Variants in PCDHA5 observed in about 807,000 individuals in gnomAD.
The protein encoded by PCDHA5 is protocadherin alpha 5.
A neutral mutation model predicts 61.6 loss-of-function variants in PCDHA5; 43 were observed. The observed-to-expected ratio is 0.70, with a 90% CI of 0.55 to 0.90. The LOEUF is 0.90. Among genes scored for constraint, PCDHA5 ranks in the 40% least tolerant of loss-of-function variants. The pLI, the probability that PCDHA5 is intolerant of heterozygous loss-of-function variation, is 0.00. For synonymous variants in PCDHA5, 627 were observed against 543.9 expected (o/e 1.15, Z -2.13); for missense variants, 1,298 against 1,222.7 (o/e 1.06, Z -0.92).
intron 1 of PCDHA5, chr5:140,881,499 C>A: frequency 3.8e-6 from 1 of 261,884 alleles, no homozygotes; most frequent in Non-Finnish European, 5.9e-6. Context: ...TGCACATACA[C>A]ACACTCACAT....
chr5:140,834,485 G>T (rs2150219471), intron 1 of PCDHA5: 3 of 1,614,120 alleles, frequency 1.9e-6, no homozygotes. Flanking sequence ...TCCACTACTC[G>T]GTCCCCGAGG....
chr5:140,890,439 A>C lies in PCDHA5; in HGVS notation c.2352+66312A>C, dbSNP rs114755692. On this transcript the variant is annotated intron_variant, in intron 1 of 3. Coordinates refer to ENST00000529859, the MANE Select transcript of PCDHA5 (RefSeq NM_018908.3). The stretch of plus-strand genomic sequence containing the variant: ...TATTTAGTTTATATTTACAATACCT[A>C]GTGATATCTTTAGGCACAAATATTT... 7.6e-3 allele frequency among the ~76,000 whole-genome samples: 1,153 copies of C among 152,326 alleles called. 6 individuals are homozygous for C. Among genetic ancestry groups the C allele is most frequent in the Non-Finnish European group, 0.013 (886 of 68,014 alleles).
chr5:140,998,547 A>C (rs1173862918), intron 3 of PCDHA5, among the ~76,000 whole-genome samples: 4 of 150,288 alleles, frequency 2.7e-5, no homozygotes, highest in African/African-American at 9.8e-5. Flanking sequence ...TCCTAATTTA[A>C]TGTCTAATTT....
intron 1 of PCDHA5, chr5:140,851,257 T>A: frequency 9.2e-7 from 1 of 1,087,842 alleles, no homozygotes; most frequent in East Asian, 4.1e-5. Context: ...GCATAGTATT[T>A]TAGTCTACTT....
chr5:140,914,458 A>T (rs1294717004), intron 1 of PCDHA5, among the ~76,000 whole-genome samples: 2 of 152,004 alleles, frequency 1.3e-5, no homozygotes, highest in African/African-American at 4.8e-5. Flanking sequence ...TTTCCAGTCT[A>T]TGTGTATCTT....
chr5:140,844,335 A>G lies in PCDHA5; in HGVS notation c.2352+20208A>G, dbSNP rs1192632609. On this transcript the variant is annotated intron_variant, in intron 1 of 3. Transcript: ENST00000529859. The stretch of plus-strand genomic sequence containing the variant: ...TTCCTAATTTTATTATAAACTAGTT[A>G]AAAAGTAAAATCAAGAGGGAAGAGA... Among the ~76,000 whole-genome samples, 3 of 149,508 alleles carry G rather than the reference A, an allele frequency of 2.0e-5. No individual in the cohort carries two copies. In the South Asian group the frequency reaches 6.4e-4, roughly 32 times the overall value.
intron 1 of PCDHA5, among the ~76,000 whole-genome samples, chr5:140,964,381 T>C (rs1008874330): frequency 1.3e-5 from 2 of 152,176 alleles, no homozygotes. Flanking sequence ...AGGAGAGTCC[T>C]GGTTTTTCTC....
chr5:140,857,551 C>G (rs781926711), intron 1 of PCDHA5: 5 of 1,596,944 alleles, frequency 3.1e-6, no homozygotes. Flanking sequence ...TGGGCGAGCG[C>G]TCGCTGTCGA....
At chr5:140,937,500 C>T (rs2091549219) in intron 1 of PCDHA5, among the ~76,000 whole-genome samples, 1 of 152,024 alleles carries the variant, frequency 6.6e-6, no homozygotes, top group Admixed American at 6.6e-5. Context: ...ACCCGTAATC[C>T]CAGCTACTCA....
chr5:140,873,995 GT>G (rs1354813199), intron 1 of PCDHA5, among the ~76,000 whole-genome samples: 2 of 152,166 alleles, frequency 1.3e-5, no homozygotes, highest in African/African-American at 4.8e-5. Context: ...AGCATGTATG[GT>G]ACATTGACCA....
At chr5:140,982,679 C>A in intron 3 of PCDHA5, 116 bp downstream of exon 3, 2 of 1,436,546 alleles carry the variant, frequency 1.4e-6, no homozygotes, top group Non-Finnish European at 9.2e-7. Flanking sequence ...TTGTTATTCC[C>A]TTTTTTCCAT....
chr5:140,858,262 G>A lies in PCDHA5; in HGVS notation c.2352+34135G>A. On this transcript the variant is annotated intron_variant, in intron 1 of 3. Coordinates refer to ENST00000529859, the MANE Select transcript of PCDHA5 (RefSeq NM_018908.3). Reference sequence around the variant, plus strand: ...GTGGGCCGGTGAAGCCCACGCTGGTGTGCTCTAGCGCGGTGGGGAGCTGGT... The same window carrying A: ...GTGGGCCGGTGAAGCCCACGCTGGTATGCTCTAGCGCGGTGGGGAGCTGGT... 2 of 1,597,236 alleles carry A rather than the reference G, an allele frequency of 1.3e-6. 1 individual carries two copies.
chr5:140,830,034 T>C (rs1581895588), intron 1 of PCDHA5: 2 of 1,613,732 alleles, frequency 1.2e-6, no homozygotes, highest in East Asian at 2.2e-5. Flanking sequence ...CACCGGCTGC[T>C]GGTGCTGGTG....
chr5:140,834,823 C>T, intron 1 of PCDHA5: 1 of 1,612,142 alleles, frequency 6.2e-7, no homozygotes, highest in South Asian at 1.1e-5. Flanking sequence ...GAATCCAGGC[C>T]GCTTGACTCT....
chr5:140,828,937 T>C (rs1770037228), intron 1 of PCDHA5: 1 of 1,614,274 alleles, frequency 6.2e-7, no homozygotes, highest in Non-Finnish European at 8.5e-7. Context: ...ATTCTTTTAA[T>C]AGCCTTGTTG....
At chr5:140,832,820 T>C (rs1554133674) in intron 1 of PCDHA5, among the ~76,000 whole-genome samples, 1 of 152,208 alleles carries the variant, frequency 6.6e-6, no homozygotes, top group East Asian at 1.9e-4. Context: ...AAAAAAATCT[T>C]TGCCTTTTTC....
At chr5:140,884,622 GAAC>G (rs1562808706) in intron 1 of PCDHA5, 7 of 1,613,830 alleles carry the variant, frequency 4.3e-6, no homozygotes, top group Non-Finnish European at 5.9e-6. Flanking sequence ...TCTGCAGAGG[GAAC>G]AGGCCAGAGG....
chr5:140,946,631 T>TATATATATATATATATATATACAC lies in PCDHA5; in HGVS notation c.2353-32317_2353-32316insTATATATATATATATATATACACA, dbSNP rs57893927. Among the ~76,000 whole-genome samples, 100 of 131,838 alleles carry TATATATATATATATATATATACAC rather than the reference T, an allele frequency of 7.6e-4. 3 individuals carry two copies. Among genetic ancestry groups the TATATATATATATATATATATACAC allele is most frequent in the African/African-American group, 2.6e-3 (76 of 28,714 alleles). The allele number at this position is 131,838 out of a possible 152,430, so 86.5% of individuals were successfully genotyped here. A position where few individuals can be genotyped will look rare whatever the true frequency, so the allele number is the denominator to read the frequency against. On this transcript the variant is annotated intron_variant, in intron 1 of 3. Transcript: ENST00000529859. ...TGTGAAATATATATATATATATATA[T>TATATATATATATATATATATACAC]ACAATGGAATACTCATCAGCCATTA...
rs116577362 is a variant in PCDHA5 at position 140,863,312 on chromosome 5, T to G, written c.2352+39185T>G. On this transcript the variant is annotated intron_variant, in intron 1 of 3. Transcript: ENST00000529859. ...TACCTGATCATCGCCATCTGCGTGGTGTCCAGCCTGTTAGTGCTCACGTTG... is the reference window on the plus strand; with the variant it reads ...TACCTGATCATCGCCATCTGCGTGGGGTCCAGCCTGTTAGTGCTCACGTTG... 14,488 of 1,456,150 alleles carry G rather than the reference T, an allele frequency of 9.9e-3. 118 individuals are homozygous for G. The highest frequency in any genetic ancestry group is 0.011 in the Non-Finnish European group (11,650 of 1,073,394). 90.2% of individuals were successfully genotyped at this position (1,456,150 alleles called of 1,614,324 possible). A position where few individuals can be genotyped will look rare whatever the true frequency, so the allele number is the denominator to read the frequency against.
Sources: gnomAD v4.1 joint callset for allele counts (sites outside exome capture counted in the v4.1 genomes callset) on GRCh38, gnomAD v4.1.1 for gene constraint, MANE v1.5 for transcripts, NCBI Gene and HGNC (gene_info 2026-07-23, HGNC 2026-07-21) for gene names.